WRN: variants seen among roughly 807,000 people sequenced by gnomAD.
WRN encodes the protein WRN RecQ like helicase.
WRN carries 149 observed loss-of-function variants against 180.7 expected under a neutral mutation model. That is an observed-to-expected ratio of 0.82 (90% CI 0.72 to 0.94). The LOEUF is 0.94. WRN is among the 40% of genes least tolerant of loss of function. The probability of loss-of-function intolerance (pLI) is 0.00; values close to 1 mark genes in which losing one functional copy is unlikely to be tolerated. For synonymous variants in WRN, 548 were observed against 568.9 expected (o/e 0.96, Z 0.52); for missense variants, 1,661 against 1,700.1 (o/e 0.98, Z 0.40).
chr8:31,152,318 G>A (rs1803168713), intron 31 of WRN, among the ~76,000 whole-genome samples: 2 of 149,946 alleles, frequency 1.3e-5, no homozygotes, highest in South Asian at 2.1e-4. Flanking sequence ...GCGACAGAGC[G>A]AGACTCCATC....
rs374688634 is a variant in WRN at position 31,091,879 on chromosome 8, G to A, written c.1879G>A (p.Val627Ile). Residue 627 changes from valine to isoleucine, a missense_variant, in exon 16 of 35, where the codon GTT becomes ATT. Around this residue, in one of 3 missense-constraint regions of WRN, gnomAD observed 1,141 missense variants for 1,149.4 expected, o/e 0.99. Transcript: ENST00000298139. ...CFLGSAQSEN[V>I]LTDIKLGKYR... ...CCTTGGATCAGCACAGTCAGAAAAT[G>A]TTCTAACAGATATTAAATTGTGAGT... 6.8e-6 allele frequency: 11 copies of A among 1,612,858 alleles called. No individual in the cohort carries two copies. The highest frequency in any genetic ancestry group is 6.7e-5 in the Admixed American group (4 of 59,926).
At chr8:31,090,975 C>T (rs749813443) in intron 15 of WRN, 33 bp downstream of exon 15, 7 of 1,498,412 alleles carry the variant, frequency 4.7e-6, no homozygotes, top group Non-Finnish European at 5.6e-6. Flanking sequence ...CAATATCACC[C>T]TCTTTTTTTC....
chr8:31,111,912 C>G, intron 19 of WRN, 113 bp downstream of exon 19: 1 of 1,295,940 alleles, frequency 7.7e-7, no homozygotes, highest in South Asian at 1.3e-5. Flanking sequence ...TAACATATTT[C>G]AAATTCCACC....
At chr8:31,059,092 C>T (rs1812383992) in intron 2 of WRN, 61 bp from the exon 3 acceptor site, 1 of 1,226,794 alleles carries the variant, frequency 8.2e-7, no homozygotes, top group Non-Finnish European at 1.2e-6. Flanking sequence ...TTTATTATTT[C>T]AGTGAACATT....
Position 31,147,036 on chromosome 8 carries a change from T to C in WRN, c.3384-17T>C, listed in dbSNP as rs772510864. 4 of 1,588,666 alleles carry C rather than the reference T, an allele frequency of 2.5e-6. No homozygotes were observed. The South Asian group carries it at 3.4e-5, about 14-fold the overall frequency. On this transcript the variant is annotated splice_polypyrimidine_tract_variant and intron_variant, in intron 28 of 34. Coordinates refer to ENST00000298139, the MANE Select transcript of WRN (RefSeq NM_000553.6). ...AAAGAAAAGCTTTTATTATTTATTT[T>C]CTTTTAAATATTTTAGTATCATGGT...
intron 19 of WRN, among the ~76,000 whole-genome samples, chr8:31,114,425 A>G (rs781166788): frequency 1.3e-5 from 2 of 152,218 alleles, no homozygotes; most frequent in Non-Finnish European, 2.9e-5. Context: ...GTAGCAAATC[A>G]CTTGGCAAAA....
intron 34 of WRN, among the ~76,000 whole-genome samples, chr8:31,169,089 T>C (rs549486489): frequency 1.4e-4 from 21 of 151,960 alleles, no homozygotes; most frequent in Non-Finnish European, 2.4e-4. Context: ...TTTATTCCAT[T>C]ACTTCATATT....
chr8:31,135,165 A>C (rs1237060563), intron 24 of WRN, among the ~76,000 whole-genome samples: 4 of 151,768 alleles, frequency 2.6e-5, no homozygotes, highest in Non-Finnish European at 5.9e-5. Flanking sequence ...CAATCCTCCC[A>C]CCTCAGCCTC....
At chr8:31,114,684 A>G (rs73230704) in intron 19 of WRN, among the ~76,000 whole-genome samples, 8,646 of 152,112 alleles carry the variant, frequency 0.057, 360 homozygotes, top group Middle Eastern at 0.13. Context: ...GTGCAGATAT[A>G]TAGTTGCAGT....
At chr8:31,096,205 A>C (rs1321838053) in intron 16 of WRN, among the ~76,000 whole-genome samples, 4 of 152,196 alleles carry the variant, frequency 2.6e-5, no homozygotes, top group Non-Finnish European at 4.4e-5. Flanking sequence ...ATAGACACTT[A>C]AACTTATCTG....
At position 31,174,823 on chromosome 8, in the gene WRN, C is replaced by CCTTCCTTCCTTCCATCCTTCCTTCCTT. The variant is rs1563397666; in HGVS notation, c.*1722_*1723insTTCCTTCCTTCCATCCTTCCTTCCTTC. On this transcript the variant is annotated 3_prime_UTR_variant, in exon 35 of 35. Coordinates refer to ENST00000298139, the MANE Select transcript of WRN (RefSeq NM_000553.6). ...TTCCTTCCTTCCTTCCTTCCTTCCT[C>CCTTCCTTCCTTCCATCCTTCCTTCCTT]CCTCCCTCCCTCCCTCCCTCCCTCC... is the stretch of plus-strand genomic sequence containing the variant. Among the ~76,000 whole-genome samples, 1 of 55,084 alleles carries CCTTCCTTCCTTCCATCCTTCCTTCCTT rather than the reference C, an allele frequency of 1.8e-5. No homozygotes were observed. Among genetic ancestry groups the CCTTCCTTCCTTCCATCCTTCCTTCCTT allele is most frequent in the Non-Finnish European group, 3.4e-5 (1 of 29,412 alleles). 36.1% of individuals were successfully genotyped at this position (55,084 alleles called of 152,430 possible). A position where few individuals can be genotyped will look rare whatever the true frequency, so the allele number is the denominator to read the frequency against.
At chr8:31,172,524 C>T (rs1804142237) in intron 34 of WRN, among the ~76,000 whole-genome samples, 1 of 152,156 alleles carries the variant, frequency 6.6e-6, no homozygotes, top group Non-Finnish European at 1.5e-5. Flanking sequence ...TATGCCTTGG[C>T]CACTCTACAG....
intron 23 of WRN, among the ~76,000 whole-genome samples, chr8:31,129,792 G>C (rs988225044): frequency 6.6e-6 from 1 of 151,892 alleles, no homozygotes; most frequent in Admixed American, 6.6e-5. Flanking sequence ...GGATCACGAG[G>C]TCAAGAGATT....
chr8:31,122,297 C>T (rs1422438275), intron 21 of WRN, among the ~76,000 whole-genome samples: 1 of 151,922 alleles, frequency 6.6e-6, no homozygotes, highest in Non-Finnish European at 1.5e-5. Context: ...CTGGTGACAA[C>T]CCTCTTCTAG....
intron 1 of WRN, among the ~76,000 whole-genome samples, chr8:31,045,251 A>C (rs1811813590): frequency 6.6e-6 from 1 of 152,192 alleles, no homozygotes; most frequent in South Asian, 2.1e-4. Flanking sequence ...ATGTTTTGAT[A>C]CACATATACG....
intron 1 of WRN, among the ~76,000 whole-genome samples, chr8:31,050,622 C>G (rs1812046533): frequency 6.6e-6 from 1 of 151,392 alleles, no homozygotes; most frequent in Non-Finnish European, 1.5e-5. Context: ...ATTTTCAACA[C>G]TAGAGCAGTC....
chr8:31,087,710 G>T (rs1275293519), intron 11 of WRN, 66 bp from the exon 12 acceptor site: 8 of 1,528,998 alleles, frequency 5.2e-6, no homozygotes, highest in Non-Finnish European at 7.2e-6. Context: ...TAGTCCTTTT[G>T]TGTTTGGTGA....
chr8:31,160,872 T>C (rs1284867593), intron 33 of WRN, among the ~76,000 whole-genome samples: 1 of 151,870 alleles, frequency 6.6e-6, no homozygotes, highest in Non-Finnish European at 1.5e-5. Context: ...TAATCCCAGC[T>C]ACTTGGGAGG....
At chr8:31,119,042 T>C (rs1428147745) in intron 20 of WRN, among the ~76,000 whole-genome samples, 2 of 151,998 alleles carry the variant, frequency 1.3e-5, no homozygotes, top group African/African-American at 4.8e-5. Context: ...CTCTTACATA[T>C]ATCAAAAAAT....
Sources: gnomAD v4.1 joint callset for allele counts (sites outside exome capture counted in the v4.1 genomes callset) on GRCh38, gnomAD v4.1.1 for gene constraint, gnomAD v4.1.1 regional missense constraint, MANE v1.5 for transcripts, NCBI Gene and HGNC (gene_info 2026-07-23, HGNC 2026-07-21) for gene names.